PIGU: variants seen among roughly 807,000 people sequenced by gnomAD.
PIGU encodes the protein phosphatidylinositol glycan anchor biosynthesis class U, also known as GPI-anchor transamidase component PIGU.
A neutral mutation model predicts 49.9 loss-of-function variants in PIGU; 24 were observed. The ratio of observed to expected loss-of-function variants is 0.48; its 90% confidence interval spans 0.35 to 0.68. PIGU has a LOEUF of 0.68. Ranked by LOEUF, PIGU falls within the 30% of genes least tolerant of loss-of-function variation. The pLI is 0.01. For missense variants in PIGU, 490 were observed against 532.6 expected (o/e 0.92, Z 0.79); for synonymous variants, 220 against 205.7 (o/e 1.07, Z -0.59).
chr20:34,630,482 T>G (rs538880121), intron 6 of PIGU, among the ~76,000 whole-genome samples: 2 of 152,190 alleles, frequency 1.3e-5, no homozygotes, highest in African/African-American at 4.8e-5. Flanking sequence ...ACTGAATAGT[T>G]GCAAAGGAAA....
intron 6 of PIGU, among the ~76,000 whole-genome samples, chr20:34,623,938 G>A (rs1400809250): frequency 1.3e-5 from 2 of 152,010 alleles, no homozygotes; most frequent in Non-Finnish European, 2.9e-5. Context: ...ACCTCAACTC[G>A]AAGTGATGGG....
At chr20:34,583,087 T>C (rs1015617029) in intron 9 of PIGU, among the ~76,000 whole-genome samples, 1 of 152,246 alleles carries the variant, frequency 6.6e-6, no homozygotes, top group Non-Finnish European at 1.5e-5. Flanking sequence ...TCAATGGGTA[T>C]GAATCTGAGA....
intron 7 of PIGU, among the ~76,000 whole-genome samples, chr20:34,589,069 T>C (rs1172130995): frequency 1.3e-5 from 2 of 151,750 alleles, no homozygotes; most frequent in African/African-American, 4.8e-5. Context: ...AAAATACTTA[T>C]GTGTTCTGAG....
chr20:34,583,223 T>G (rs1168581832), intron 9 of PIGU, among the ~76,000 whole-genome samples: 1 of 152,236 alleles, frequency 6.6e-6, no homozygotes, highest in African/African-American at 2.4e-5. Context: ...TATAGCTCAG[T>G]GTGAACATCT....
intron 11 of PIGU, among the ~76,000 whole-genome samples, chr20:34,567,969 CAGGCTGCCCT>C (rs1982845426): frequency 6.6e-6 from 1 of 152,218 alleles, no homozygotes; most frequent in South Asian, 2.1e-4. Flanking sequence ...CCCAGCTCGT[CAGGCTGCCCT>C]GTCCTGCCCA....
At chr20:34,627,402 C>A (rs987232668) in intron 6 of PIGU, among the ~76,000 whole-genome samples, 1 of 151,274 alleles carries the variant, frequency 6.6e-6, no homozygotes, top group Non-Finnish European at 1.5e-5. Flanking sequence ...TATAACATTA[C>A]GAAAATGTCT....
At chr20:34,618,068 C>G (rs773362879) in intron 6 of PIGU, among the ~76,000 whole-genome samples, 1 of 152,152 alleles carries the variant, frequency 6.6e-6, no homozygotes, top group East Asian at 1.9e-4. Flanking sequence ...CTCTTTCTTT[C>G]GTAAATTGCC....
intron 7 of PIGU, among the ~76,000 whole-genome samples, chr20:34,603,210 T>C (rs1218485755): frequency 2.0e-5 from 3 of 152,182 alleles, no homozygotes; most frequent in Admixed American, 6.5e-5. Flanking sequence ...TGGCAAACTT[T>C]GGTGGTGGGT....
chr20:34,654,008 C>T lies in PIGU; in HGVS notation c.195+3172G>A, dbSNP rs527997774. 8.3e-3 allele frequency among the ~76,000 whole-genome samples: 1,250 copies of T among 150,664 alleles called. 25 individuals carry two copies. The highest frequency in any genetic ancestry group is 0.029 in the African/African-American group (1,209 of 41,032). The stretch of plus-strand genomic sequence containing the variant: ...GAGTAGCTGGGACTACAGCCACCTG[C>T]CACCATGCCTTGCTAATTTTTTGTA... On this transcript the variant is annotated intron_variant, in intron 2 of 11. Transcript: ENST00000217446.
At chr20:34,660,810 G>A (rs191655661) in intron 1 of PIGU, among the ~76,000 whole-genome samples, 5 of 152,330 alleles carry the variant, frequency 3.3e-5, no homozygotes, top group Admixed American at 1.3e-4. Flanking sequence ...TAAGTGCAAA[G>A]TGGAATCACA....
chr20:34,584,477 AAC>A (rs1169117444), intron 9 of PIGU, among the ~76,000 whole-genome samples: 1 of 150,752 alleles, frequency 6.6e-6, no homozygotes, highest in Non-Finnish European at 1.5e-5. Flanking sequence ...ACTTTTTCCA[AAC>A]ACACTCCCCT....
intron 11 of PIGU, among the ~76,000 whole-genome samples, chr20:34,572,295 AAGTGCTGGGATTACAGGCAT>A (rs1983045605): frequency 6.6e-6 from 1 of 151,960 alleles, no homozygotes; most frequent in South Asian, 2.1e-4. Flanking sequence ...CAGCCTCCCA[AAGTGCTGGGATTACAGGCAT>A]GAGCCACCAG....
intron 6 of PIGU, among the ~76,000 whole-genome samples, chr20:34,623,945 T>C (rs905793205): frequency 1.3e-5 from 2 of 152,170 alleles, no homozygotes; most frequent in East Asian, 3.9e-4. Flanking sequence ...CTCGAAGTGA[T>C]GGGATCACCA....
intron 1 of PIGU, among the ~76,000 whole-genome samples, chr20:34,667,464 A>G (rs187477437): frequency 1.1e-4 from 17 of 152,270 alleles, no homozygotes; most frequent in African/African-American, 4.1e-4. Context: ...AGAATGTAAT[A>G]AAGTGCTTTT....
chr20:34,568,631 T>G (rs576797639), intron 11 of PIGU, among the ~76,000 whole-genome samples: 10 of 152,290 alleles, frequency 6.6e-5, no homozygotes, highest in African/African-American at 2.4e-4. Flanking sequence ...TTTCCCAGAA[T>G]GACACACCAG....
In PIGU at chr20:34,657,201, A is replaced by G; in HGVS notation, c.174T>C (p.Tyr58=). The G allele has an allele frequency of 6.2e-7, 1 of 1,612,570 alleles. No individual in the cohort carries two copies. Among genetic ancestry groups the G allele is most frequent in the East Asian group, 2.2e-5 (1 of 44,874 alleles). ...LSLLDLGVSP[Y]SGAVFHETPL... ...TTACTTCATGAAATACTGCTCCAGA[A>G]TACGGAGATACTCCCAAGTCCAACA... Residue 58 remains tyrosine, a synonymous_variant, in exon 2 of 12, where the codon TAT becomes TAC. Coordinates refer to ENST00000217446, the MANE Select transcript of PIGU (RefSeq NM_080476.5).
At position 34,634,622 on chromosome 20, in the gene PIGU, C is replaced by A; in HGVS notation, c.522G>T (p.Thr174=). 6 of 1,612,030 alleles carry A rather than the reference C, an allele frequency of 3.7e-6. No homozygotes were observed. The highest frequency in any genetic ancestry group is 5.1e-6 in the Non-Finnish European group (6 of 1,178,742). Residue 174 remains threonine (T), a synonymous_variant, in exon 6 of 12, where the codon ACG becomes ACT. Transcript: ENST00000217446. ...NTLIAFFILT[T]IKGSAFLSAI... ...CTCCTTTCAGGGCCTTACCTTTTAT[C>A]GTAGTCAAAATGAAGAAAGCAATGA...
chr20:34,605,624 A>G (rs721613), intron 7 of PIGU, among the ~76,000 whole-genome samples: 57,218 of 151,932 alleles, frequency 0.38, 11,178 homozygotes, highest in Admixed American at 0.54. Context: ...TCCCTGTGGA[A>G]GCAGAGAAGT....
rs150361555 is a variant in PIGU at position 34,672,977 on chromosome 20, C to T, written c.130+3979G>A. ...CATTCAAAAATTTAAAATGTCAGCC[C>T]GGCGTGGTGGCTCACGCCTGTCATC... is the stretch of plus-strand genomic sequence containing the variant. On this transcript the variant is annotated intron_variant, in intron 1 of 11. Transcript: ENST00000217446. Among the ~76,000 whole-genome samples, 68 of 151,102 alleles carry T rather than the reference C, an allele frequency of 4.5e-4. 2 individuals carry two copies. The East Asian group carries it at 0.011, about 24-fold the overall frequency.
Sources: gnomAD v4.1 joint callset for allele counts (sites outside exome capture counted in the v4.1 genomes callset) on GRCh38, gnomAD v4.1.1 for gene constraint, MANE v1.5 for transcripts, NCBI Gene and HGNC (gene_info 2026-07-23, HGNC 2026-07-21) for gene names.